The following NUP153 variants were observed in gnomAD, a reference collection of about 807,000 sequenced individuals.
NUP153 encodes the protein nucleoporin 153, also known as nuclear pore complex protein Nup153.
NUP153 carries 27 observed loss-of-function variants against 134.6 expected under a neutral mutation model. The ratio of observed to expected loss-of-function variants is 0.20; its 90% CI spans 0.15 to 0.28. The LOEUF (loss-of-function observed/expected upper bound fraction) is 0.28. Among genes scored for constraint, NUP153 ranks in the 10% least tolerant of loss-of-function variants. The pLI, the probability that NUP153 is intolerant of heterozygous loss-of-function variation, is 1.00. For missense variants in NUP153, 1,821 were observed against 1,731.3 expected (o/e 1.05, Z -0.92); for synonymous variants, 640 against 623.5 (o/e 1.03, Z -0.40).
chr6:17,624,514 G>T, intron 20 of NUP153, 47 bp downstream of exon 20: 1 of 1,559,004 alleles, frequency 6.4e-7, no homozygotes, highest in South Asian at 1.2e-5. Context: ...AATATTTTAA[G>T]ACACACAAAA....
At chr6:17,679,363 A>C (rs1367975203) in intron 2 of NUP153, among the ~76,000 whole-genome samples, 1 of 152,238 alleles carries the variant, frequency 6.6e-6, no homozygotes, top group African/African-American at 2.4e-5. Flanking sequence ...AACAGTACCG[A>C]AAGAAAGAAA....
Position 17,632,366 on chromosome 6 carries a change from G to C in NUP153, c.2659+284C>G, listed in dbSNP as rs868064196. On this transcript the variant is annotated intron_variant, in intron 17 of 21. Coordinates refer to ENST00000262077, the MANE Select transcript of NUP153 (RefSeq NM_005124.4). The stretch of plus-strand genomic sequence containing the variant: ...AAACAAAGAACAGTTCACCTAGGGG[G>C]CTAGCAGTTAAAAACAAAAAACAAA... Among the ~76,000 whole-genome samples the C allele has an allele frequency of 3.3e-5, 5 of 152,012 alleles. No individual in the cohort carries two copies. In the East Asian group the frequency reaches 7.7e-4, roughly 23 times the overall value.
intron 2 of NUP153, among the ~76,000 whole-genome samples, chr6:17,676,034 G>A (rs534242811): frequency 6.6e-6 from 1 of 152,174 alleles, no homozygotes; most frequent in East Asian, 1.9e-4. Flanking sequence ...ACTATTTTTT[G>A]CCAGTTGATT....
intron 1 of NUP153, among the ~76,000 whole-genome samples, chr6:17,693,707 G>A (rs1217958799): frequency 2.0e-5 from 3 of 152,146 alleles, no homozygotes; most frequent in Admixed American, 2.0e-4. Context: ...CCAACGTGGT[G>A]AAACCCCAGC....
In NUP153 at chr6:17,625,149, G is replaced by A. The variant is rs976733168; in HGVS notation, c.3902-316C>T. 9.9e-5 allele frequency among the ~76,000 whole-genome samples: 15 copies of A among 152,142 alleles called. No homozygotes were observed. Among genetic ancestry groups the A allele is most frequent in the African/African-American group, 3.6e-4 (15 of 41,434 alleles). On this transcript the variant is annotated intron_variant, in intron 19 of 21. Transcript: ENST00000262077. The surrounding 1 kb of genome is among the most constrained non-coding windows in gnomAD (Gnocchi z 4.7). Reference sequence around the variant, plus strand: ...CAGAAATTTAATGTGTGCAGAAATTGCCTCATGATGTGCATATATACATTG... The same window carrying A: ...CAGAAATTTAATGTGTGCAGAAATTACCTCATGATGTGCATATATACATTG...
At chr6:17,630,290 G>A (rs1006546948) in intron 17 of NUP153, among the ~76,000 whole-genome samples, 2 of 152,158 alleles carry the variant, frequency 1.3e-5, no homozygotes, top group African/African-American at 4.8e-5. Context: ...GAATAAATGT[G>A]TTATTCACTC....
intron 2 of NUP153, among the ~76,000 whole-genome samples, chr6:17,681,955 C>T (rs1008659731): frequency 6.6e-6 from 1 of 151,950 alleles, no homozygotes; most frequent in African/African-American, 2.4e-5. Flanking sequence ...CCCTATAATC[C>T]CAGCACTTTT....
In NUP153 at chr6:17,642,349, T is replaced by G. The variant is rs1765880351; in HGVS notation, c.1721-2285A>C. On this transcript the variant is annotated intron_variant, in intron 14 of 21. Coordinates refer to ENST00000262077, the MANE Select transcript of NUP153 (RefSeq NM_005124.4). ...TCTGGTAAGGGTCTAGTGTCCAGAC[T>G]AAGAACTCTTATAACTCAGTAACAA... 2.7e-5 allele frequency among the ~76,000 whole-genome samples: 4 copies of G among 150,818 alleles called. No homozygotes were observed. The Admixed American group carries it at 2.7e-4, about 10-fold the overall frequency.
chr6:17,651,892 G>A (rs1324086248), intron 11 of NUP153: 6 of 678,046 alleles, frequency 8.8e-6, no homozygotes, highest in Admixed American at 2.0e-5. Context: ...GCAGGAGCTC[G>A]AGATCAGCTT....
intron 20 of NUP153, among the ~76,000 whole-genome samples, chr6:17,618,846 G>A (rs142075762): frequency 3.9e-4 from 60 of 152,324 alleles, no homozygotes; most frequent in East Asian, 3.7e-3. Context: ...GATTACAGGC[G>A]TGAGCCACTG....
At chr6:17,672,175 T>C (rs775645149) in intron 5 of NUP153, among the ~76,000 whole-genome samples, 4 of 147,814 alleles carry the variant, frequency 2.7e-5, no homozygotes, top group Admixed American at 2.0e-4. Context: ...GGGAAGCCTA[T>C]GGCAATCAAG....
rs938671609 is a variant in NUP153, at chr6:17,669,584, A to T, written c.853-38T>A. On this transcript the variant is annotated intron_variant, in intron 5 of 21. Coordinates refer to ENST00000262077, the MANE Select transcript of NUP153 (RefSeq NM_005124.4). ...CCCTATATTATTTGTTGCAACATAA[A>T]ATCTAAGGCACATATTTCATGCAGT... The T allele has an allele frequency of 3.0e-6, 4 of 1,326,214 alleles. No individual in the cohort carries two copies. The Admixed American group carries it at 6.7e-5, about 22-fold the overall frequency. The allele number at this position is 1,326,214 out of a possible 1,614,324, so 82.2% of individuals were successfully genotyped here.
chr6:17,690,478 C>T (rs1769211718), intron 1 of NUP153, among the ~76,000 whole-genome samples: 1 of 152,068 alleles, frequency 6.6e-6, no homozygotes, highest in African/African-American at 2.4e-5. Flanking sequence ...ACACTGCCTC[C>T]TATTATTTAT....
In NUP153 at chr6:17,683,323, A is replaced by G. The variant is rs149824534; in HGVS notation, c.334+5073T>C. ...GATCTATCTGAGGAATGACTATGAT[A>G]GCTATAGCCATATGAAAGGTATTTC... On this transcript the variant is annotated intron_variant, in intron 2 of 21. Coordinates refer to ENST00000262077, the MANE Select transcript of NUP153 (RefSeq NM_005124.4). Among the ~76,000 whole-genome samples the G allele has an allele frequency of 7.2e-5, 11 of 152,346 alleles. No homozygotes were observed. In the East Asian group the frequency reaches 2.1e-3, roughly 29 times the overall value.
At chr6:17,663,958 T>C (rs1581725229) in intron 9 of NUP153, among the ~76,000 whole-genome samples, 2 of 151,872 alleles carry the variant, frequency 1.3e-5, no homozygotes, top group South Asian at 4.2e-4. Flanking sequence ...AAAAAAACAC[T>C]TATACATAAA....
At chr6:17,622,891 G>T (rs1164870638) in intron 20 of NUP153, among the ~76,000 whole-genome samples, 1 of 152,140 alleles carries the variant, frequency 6.6e-6, no homozygotes, top group African/African-American at 2.4e-5. Flanking sequence ...AGCACTGTGG[G>T]AGGCCGAGGT....
intron 1 of NUP153, among the ~76,000 whole-genome samples, chr6:17,693,793 G>GA (rs111998748): frequency 0.015 from 2,211 of 152,198 alleles, 66 homozygotes; most frequent in African/African-American, 0.051. Flanking sequence ...GGCTGAGGCA[G>GA]AAAAAACGCT....
intron 1 of NUP153, among the ~76,000 whole-genome samples, chr6:17,696,790 C>G (rs977807270): frequency 6.6e-6 from 1 of 151,744 alleles, no homozygotes; most frequent in Admixed American, 6.6e-5. Flanking sequence ...TCTTAAAAAA[C>G]AGCCAGGTGC....
At chr6:17,700,489 C>G (rs1282639998) in intron 1 of NUP153, among the ~76,000 whole-genome samples, 1 of 152,164 alleles carries the variant, frequency 6.6e-6, no homozygotes, top group Non-Finnish European at 1.5e-5. Flanking sequence ...TCTATTCCCA[C>G]TGATTATATT....
Sources: allele counts gnomAD v4.1 joint callset (sites outside exome capture counted in the v4.1 genomes callset), GRCh38; gene constraint gnomAD v4.1.1; non-coding constraint Gnocchi (gnomAD v3.1); transcripts MANE v1.5; gene names NCBI Gene and HGNC (gene_info 2026-07-23, HGNC 2026-07-21).